The following EMB variants were observed in gnomAD, a reference collection of about 807,000 sequenced individuals.
EMB encodes the protein embigin homolog.
EMB carries 31 observed loss-of-function variants against 41.4 expected under a neutral mutation model. The observed-to-expected ratio is 0.75, with a 90% CI of 0.56 to 1.01. The LOEUF (loss-of-function observed/expected upper bound fraction) is 1.01. EMB is among the 50% of genes least tolerant of loss of function. The pLI is 0.00. For synonymous variants in EMB, 137 were observed against 140.4 expected (o/e 0.98, Z 0.17); for missense variants, 379 against 388.3 (o/e 0.98, Z 0.20).
At chr5:50,414,926 A>C (rs1745404485) in intron 2 of EMB, among the ~76,000 whole-genome samples, 1 of 151,998 alleles carries the variant, frequency 6.6e-6, no homozygotes, top group Admixed American at 6.6e-5. Context: ...TTACTTCTCA[A>C]TTTGGCACTT....
At chr5:50,401,290 G>C (rs1045522525) in intron 7 of EMB, among the ~76,000 whole-genome samples, 3 of 151,958 alleles carry the variant, frequency 2.0e-5, no homozygotes, top group African/African-American at 7.2e-5. Flanking sequence ...TATGTGAATG[G>C]AGTCAACATG....
At chr5:50,419,570 C>G (rs559382768) in intron 2 of EMB, among the ~76,000 whole-genome samples, 1 of 151,714 alleles carries the variant, frequency 6.6e-6, no homozygotes, top group South Asian at 2.1e-4. Context: ...CACACACACA[C>G]AGATAACTGT....
Position 50,432,846 on chromosome 5 carries a change from A to G in EMB, c.113-4619T>C, listed in dbSNP as rs1156492831. Among the ~76,000 whole-genome samples the G allele has an allele frequency of 2.0e-5, 3 of 150,920 alleles. No homozygotes were observed. In the East Asian group the frequency reaches 5.9e-4, roughly 30 times the overall value. On this transcript the variant is annotated intron_variant, in intron 1 of 8. Coordinates refer to ENST00000303221, the MANE Select transcript of EMB (RefSeq NM_198449.3). The stretch of plus-strand genomic sequence containing the variant: ...CTAATCTCAGCACTTTGGGAGGCTG[A>G]GGCAGGCAGATCATGAGGTCAGGAG...
At chr5:50,428,346 G>A (rs1745656597) in intron 1 of EMB, 119 bp from the exon 2 acceptor site, 10 of 1,254,070 alleles carry the variant, frequency 8.0e-6, no homozygotes, top group Non-Finnish European at 9.6e-6. Flanking sequence ...GTGTTTTCAG[G>A]AAGCTCAAAG....
chr5:50,406,350 A>T (rs553458463), intron 4 of EMB, among the ~76,000 whole-genome samples: 9 of 151,858 alleles, frequency 5.9e-5, no homozygotes, highest in Non-Finnish European at 1.2e-4. Context: ...AGGAAAATTA[A>T]CAGAAAGAGA....
intron 2 of EMB, among the ~76,000 whole-genome samples, chr5:50,414,528 CAAAAAAAAAAAA>C (rs34645448): frequency 1.0e-3 from 49 of 46,706 alleles, no homozygotes; most frequent in Non-Finnish European, 1.5e-3. Context: ...CTGTCTCAGG[CAAAAAAAAAAAA>C]AAAAAAAAAA....
chr5:50,406,413 A>ATAT (rs1561131727), intron 4 of EMB, among the ~76,000 whole-genome samples: 1 of 150,464 alleles, frequency 6.6e-6, no homozygotes, highest in African/African-American at 2.4e-5. Context: ...GGTTTTGTAA[A>ATAT]ATATATATAT....
At chr5:50,408,131 G>C (rs1270164825) in intron 4 of EMB, among the ~76,000 whole-genome samples, 2 of 151,996 alleles carry the variant, frequency 1.3e-5, no homozygotes, top group Admixed American at 1.3e-4. Flanking sequence ...GGGGAAGACA[G>C]ATAGTTGAGC....
At position 50,400,181 on chromosome 5, in the gene EMB, C is replaced by T. The variant is rs546593405; in HGVS notation, c.912-268G>A. On this transcript the variant is annotated intron_variant, in intron 7 of 8. Transcript: ENST00000303221. ...CCCCAAGCATGAGTGAGGACTTGGG[C>T]GTAAAGACCATAACTTATGTGTGGT... Among the ~76,000 whole-genome samples, 15 of 152,030 alleles carry T rather than the reference C, an allele frequency of 9.9e-5. No individual in the cohort carries two copies. In the South Asian group the frequency reaches 1.0e-3, roughly 11 times the overall value.
In EMB at chr5:50,412,259, C is replaced by G. The variant is rs62365890; in HGVS notation, c.197-876G>C. Among the ~76,000 whole-genome samples the G allele has an allele frequency of 2.8e-3, 127 of 45,832 alleles. 1 individual carries two copies. Among genetic ancestry groups the G allele is most frequent in the African/African-American group, 0.019 (99 of 5,298 alleles). The allele number at this position is 45,832 out of a possible 152,430, so 30.1% of individuals were successfully genotyped here. On this transcript the variant is annotated intron_variant, in intron 2 of 8. Transcript: ENST00000303221. ...CACACACCACACACACACACACAGA[C>G]ACACACACACACACACACACACACT...
At chr5:50,443,324 C>G (rs303227), upstream of EMB, 7 of 152,114 alleles carry the variant, frequency 4.6e-5, no homozygotes, top group African/African-American at 9.7e-5. Context: ...GGGCTCAAGA[C>G]GAAGAAATTG....
intron 6 of EMB, 80 bp downstream of exon 6, chr5:50,403,098 C>A: frequency 7.8e-7 from 1 of 1,274,306 alleles, no homozygotes; most frequent in Non-Finnish European, 1.1e-6. Flanking sequence ...AATCATAATC[C>A]ATATCATAAG....
chr5:50,422,842 G>C (rs1045323799), intron 2 of EMB, among the ~76,000 whole-genome samples: 23 of 152,146 alleles, frequency 1.5e-4, no homozygotes, highest in African/African-American at 4.1e-4. Flanking sequence ...ACGTGGGTCA[G>C]GGAAAGGGGC....
At chr5:50,435,136 T>C (rs1745783585) in intron 1 of EMB, among the ~76,000 whole-genome samples, 1 of 152,234 alleles carries the variant, frequency 6.6e-6, no homozygotes, top group South Asian at 2.1e-4. Flanking sequence ...ATTATTTTTG[T>C]TTCTTTTCAA....
chr5:50,402,444 G>T, intron 6 of EMB, 125 bp from the exon 7 acceptor site: 1 of 856,554 alleles, frequency 1.2e-6, no homozygotes, highest in South Asian at 1.4e-5. Flanking sequence ...TGGAATGAAG[G>T]AGAGACATGC....
At chr5:50,428,392 G>T in intron 1 of EMB, 165 bp from the exon 2 acceptor site, 2 of 1,193,516 alleles carry the variant, frequency 1.7e-6, no homozygotes, top group East Asian at 3.1e-5. Flanking sequence ...AGATATATTA[G>T]GCTATTAAAT....
intron 1 of EMB, among the ~76,000 whole-genome samples, chr5:50,431,484 G>A (rs1407752048): frequency 6.6e-6 from 1 of 152,156 alleles, no homozygotes; most frequent in Non-Finnish European, 1.5e-5. Flanking sequence ...ACAAAAAGAA[G>A]TATAAAATGG....
In EMB at chr5:50,428,161, T is replaced by A. The variant is rs139530854; in HGVS notation, c.179A>T (p.His60Leu). The A allele has an allele frequency of 3.1e-6, 5 of 1,609,634 alleles. No individual in the cohort carries two copies. Among genetic ancestry groups the A allele is most frequent in the African/African-American group, 1.3e-5 (1 of 74,802 alleles). Residue 60 changes from histidine (H) to leucine (L), a missense_variant, in exon 2 of 9, where the codon CAT becomes CTT. Coordinates refer to ENST00000303221, the MANE Select transcript of EMB (RefSeq NM_198449.3). ...IMANNFSLES[H>L]NISLTEHSSM... The stretch of plus-strand genomic sequence containing the variant: ...ACATTTACCAGTCAGTGATATGTTA[T>A]GACTCTCCAAGGAAAAGTTATTTGC...
At chr5:50,428,614 C>A (rs145542867) in intron 1 of EMB, 6 of 986,392 alleles carry the variant, frequency 6.1e-6, no homozygotes, top group East Asian at 1.1e-4. Flanking sequence ...GAAAGAAGAG[C>A]GACAGGCAGA....
Sources: gnomAD v4.1 joint callset for allele counts (sites outside exome capture counted in the v4.1 genomes callset) on GRCh38, gnomAD v4.1.1 for gene constraint, MANE v1.5 for transcripts, NCBI Gene and HGNC (gene_info 2026-07-23, HGNC 2026-07-21) for gene names.